Variants in RAD18 observed in about 807,000 individuals in gnomAD.
RAD18 encodes the protein E3 ubiquitin-protein ligase RAD18.
In RAD18, 47 loss-of-function variants were observed where a neutral mutation model predicts 60.4. The observed-to-expected ratio is 0.78, with a 90% CI of 0.62 to 0.99. The LOEUF is 0.99. RAD18 is among the 50% of genes least tolerant of loss of function. The pLI, the probability that RAD18 is intolerant of heterozygous loss-of-function variation, is 0.00. For missense variants in RAD18, 640 were observed against 593.3 expected (o/e 1.08, Z -0.82); for synonymous variants, 225 against 195.5 (o/e 1.15, Z -1.26).
chr3:8,904,742 T>C (rs1939975045), intron 9 of RAD18, among the ~76,000 whole-genome samples: 1 of 152,138 alleles, frequency 6.6e-6, no homozygotes, highest in South Asian at 2.1e-4. Context: ...TAGGCGAGGG[T>C]GACACAGTAC....
chr3:8,963,288 TC>T (rs778299798), intron 1 of RAD18, 46 bp downstream of exon 1: 7 of 1,552,564 alleles, frequency 4.5e-6, no homozygotes, highest in East Asian at 2.4e-5. Context: ...GGGAGGGACC[TC>T]CCCCCGCAGA....
At chr3:8,958,805 A>G (rs1559804076) in intron 2 of RAD18, 115 bp downstream of exon 2, 2 of 808,218 alleles carry the variant, frequency 2.5e-6, no homozygotes, top group East Asian at 2.5e-5. Context: ...AAAAACTACA[A>G]GATAGAAGAG....
intron 12 of RAD18, among the ~76,000 whole-genome samples, chr3:8,886,445 G>A (rs1939567241): frequency 1.3e-5 from 2 of 152,126 alleles, no homozygotes; most frequent in Non-Finnish European, 2.9e-5. Flanking sequence ...AGTTTACAGT[G>A]GTGATCCTTA....
At chr3:8,941,051 A>C (rs1940738757) in intron 5 of RAD18, among the ~76,000 whole-genome samples, 1 of 152,220 alleles carries the variant, frequency 6.6e-6, no homozygotes. Flanking sequence ...GGTGAGCAAT[A>C]AGGCGGGATG....
intron 12 of RAD18, among the ~76,000 whole-genome samples, chr3:8,885,484 T>C (rs1210615578): frequency 2.0e-5 from 3 of 152,214 alleles, no homozygotes; most frequent in African/African-American, 7.2e-5. Context: ...CACTATGAGA[T>C]AGAGACAAAG....
At chr3:8,898,869 TA>T (rs770532711) in intron 11 of RAD18, 24 bp downstream of exon 11, 4 of 1,509,454 alleles carry the variant, frequency 2.6e-6, no homozygotes, top group Non-Finnish European at 2.7e-6. Context: ...ATATTTAAAA[TA>T]ATCAACTACT....
At chr3:8,919,305 T>TA (rs1265190060) in intron 7 of RAD18, among the ~76,000 whole-genome samples, 1 of 151,814 alleles carries the variant, frequency 6.6e-6, no homozygotes. Context: ...CATTAGAATA[T>TA]AAAAAATACT....
intron 8 of RAD18, among the ~76,000 whole-genome samples, chr3:8,912,698 A>G (rs1348460240): frequency 1.3e-5 from 1 of 79,074 alleles, no homozygotes; most frequent in Non-Finnish European, 3.0e-5. Context: ...CCAGAAGACT[A>G]ACGACACTTA....
chr3:8,881,528 A>G (rs1376293538), intron 12 of RAD18, 69 bp from the exon 13 acceptor site: 1 of 1,292,764 alleles, frequency 7.7e-7, no homozygotes, highest in African/African-American at 1.5e-5. Flanking sequence ...CTAGTTTACA[A>G]GTGTTTTCAC....
rs1186669554 is a variant in RAD18, at chr3:8,941,812, C to T, written c.267-8G>A. 2 of 1,591,918 alleles carry T rather than the reference C, an allele frequency of 1.3e-6. No homozygotes were observed. Among genetic ancestry groups the T allele is most frequent in the Non-Finnish European group, 1.7e-6 (2 of 1,163,240 alleles). On this transcript the variant is annotated splice_polypyrimidine_tract_variant and splice_region_variant and intron_variant, in intron 4 of 12. Coordinates refer to ENST00000264926, the MANE Select transcript of RAD18 (RefSeq NM_020165.4). ...AACTGCAGCAGATGATTCCTTGAAGCACAAAGAACACAACAGACAATTAAG... is the reference window on the plus strand; with the variant it reads ...AACTGCAGCAGATGATTCCTTGAAGTACAAAGAACACAACAGACAATTAAG...
chr3:8,945,468 CT>C (rs375744764), intron 4 of RAD18, among the ~76,000 whole-genome samples: 10,042 of 95,864 alleles, frequency 0.1, 156 homozygotes, highest in South Asian at 0.15. Context: ...TTTCCATCTT[CT>C]TTTTTTTTTT....
intron 2 of RAD18, among the ~76,000 whole-genome samples, chr3:8,950,286 C>T (rs45563334): frequency 1.3e-5 from 2 of 152,144 alleles, no homozygotes; most frequent in African/African-American, 4.8e-5. Context: ...CCGCCCACCT[C>T]GGCCTCCCAG....
At chr3:8,910,133 G>T (rs563653190) in intron 9 of RAD18, among the ~76,000 whole-genome samples, 1 of 152,294 alleles carries the variant, frequency 6.6e-6, no homozygotes, top group South Asian at 2.1e-4. Context: ...TAGTAGACTG[G>T]AACAGGACAA....
intron 2 of RAD18, among the ~76,000 whole-genome samples, chr3:8,957,253 T>C (rs341793): frequency 0.55 from 83,374 of 152,088 alleles, 26,444 homozygotes; most frequent in Middle Eastern, 0.71. Flanking sequence ...TTCTCCCAAA[T>C]TGATCTCTAG....
chr3:8,915,673 T>A (rs539432981), intron 7 of RAD18, among the ~76,000 whole-genome samples: 1 of 151,636 alleles, frequency 6.6e-6, no homozygotes, highest in East Asian at 1.9e-4. Flanking sequence ...AAGCTCTGCC[T>A]TCCGGGTTCA....
intron 7 of RAD18, among the ~76,000 whole-genome samples, chr3:8,916,695 T>G (rs891047772): frequency 3.3e-5 from 5 of 151,798 alleles, no homozygotes; most frequent in East Asian, 1.9e-4. Context: ...TATATAGATA[T>G]AGACACATAA....
chr3:8,953,237 T>C (rs1940955469), intron 2 of RAD18, among the ~76,000 whole-genome samples: 1 of 150,780 alleles, frequency 6.6e-6, no homozygotes, highest in East Asian at 1.9e-4. Context: ...TATGTAATTG[T>C]ACCTATATAA....
intron 7 of RAD18, 45 bp from the exon 8 acceptor site, chr3:8,913,765 T>C (rs751206144): frequency 8.0e-7 from 1 of 1,249,004 alleles, no homozygotes; most frequent in Non-Finnish European, 1.1e-6. Flanking sequence ...ACATGTCTTT[T>C]TTAATCACTG....
intron 5 of RAD18, among the ~76,000 whole-genome samples, chr3:8,940,531 C>T (rs535593662): frequency 6.6e-6 from 1 of 152,348 alleles, no homozygotes; most frequent in Admixed American, 6.5e-5. Flanking sequence ...TACACACTCA[C>T]ATCTCTGCAC....
Sources: gnomAD v4.1 joint callset for allele counts (sites outside exome capture counted in the v4.1 genomes callset) on GRCh38, gnomAD v4.1.1 for gene constraint, MANE v1.5 for transcripts, NCBI Gene and HGNC (gene_info 2026-07-23, HGNC 2026-07-21) for gene names.